CACNA2D1: variants seen among roughly 807,000 people sequenced by gnomAD.
CACNA2D1 encodes voltage-dependent calcium channel subunit alpha-2/delta-1.
In CACNA2D1, 53 loss-of-function variants were observed where a neutral mutation model predicts 171.5. The ratio of observed to expected loss-of-function variants is 0.31; its 90% confidence interval spans 0.25 to 0.39. The LOEUF is 0.39. CACNA2D1 is among the 10% of genes least tolerant of loss of function. The pLI is 1.00. For missense variants in CACNA2D1, 903 were observed against 1,299.8 expected (o/e 0.69, Z 4.69); for synonymous variants, 442 against 443.1 (o/e 1.00, Z 0.03).
intron 8 of CACNA2D1, 51 bp downstream of exon 8, chr7:82,066,404 A>G (rs866657118): frequency 3.1e-6 from 5 of 1,603,198 alleles, no homozygotes; most frequent in Middle Eastern, 1.7e-4. Context: ...TTTAGCAAAT[A>G]TATATCTTCT....
intron 3 of CACNA2D1, among the ~76,000 whole-genome samples, chr7:82,245,857 T>C (rs1283057207): frequency 6.6e-6 from 1 of 152,188 alleles, no homozygotes; most frequent in Non-Finnish European, 1.5e-5. Context: ...TATTGATTTA[T>C]ATTTAAACAT....
At chr7:82,407,003 C>T (rs1475213882) in intron 1 of CACNA2D1, among the ~76,000 whole-genome samples, 1 of 152,110 alleles carries the variant, frequency 6.6e-6, no homozygotes, top group Non-Finnish European at 1.5e-5. Context: ...CAATTAATTA[C>T]CCTACTTACT....
At chr7:81,966,102 T>C (rs1176209164) in intron 31 of CACNA2D1, among the ~76,000 whole-genome samples, 1 of 151,772 alleles carries the variant, frequency 6.6e-6, no homozygotes, top group African/African-American at 2.4e-5. Context: ...ACATCAGTAC[T>C]ATAAGACTAT....
chr7:81,956,432 A>G (rs1381667197), intron 38 of CACNA2D1, among the ~76,000 whole-genome samples: 1 of 152,182 alleles, frequency 6.6e-6, no homozygotes, highest in Non-Finnish European at 1.5e-5. Flanking sequence ...AATAAGGACA[A>G]TTATAGAAAT....
intron 3 of CACNA2D1, among the ~76,000 whole-genome samples, chr7:82,273,957 T>G (rs1808977085): frequency 6.6e-6 from 1 of 152,212 alleles, no homozygotes; most frequent in Non-Finnish European, 1.5e-5. Flanking sequence ...ATTTTTCTAC[T>G]GAAGAAAATA....
Position 81,968,934 on chromosome 7 carries a change from CT to C in CACNA2D1, c.2347del (p.Ser783AlafsTer4). ...TTGAATATATATTTCTACAGCTTTG[CT>C]TACCATAATGCCCGATTCATAGGCA... Reference protein sequence around the residue: ...PGAYESGIMVSKAVEIYIQGK... With the variant: ...PGAYESGIMVXKAVEIYIQGK... On this transcript the variant is annotated frameshift_variant, in exon 29 of 39. Transcript: ENST00000356860. LOFTEE classifies it high-confidence loss of function. 6.3e-7 allele frequency: 1 copy of C among 1,595,660 alleles called. No individual in the cohort carries two copies. The highest frequency in any genetic ancestry group is 8.6e-7 in the Non-Finnish European group (1 of 1,165,398).
chr7:82,425,144 G>C (rs564089615), intron 1 of CACNA2D1, among the ~76,000 whole-genome samples: 1 of 152,154 alleles, frequency 6.6e-6, no homozygotes, highest in Non-Finnish European at 1.5e-5. Context: ...AATCAAAAAA[G>C]GGAGTATAAT....
At chr7:82,423,838 G>A (rs1828936677) in intron 1 of CACNA2D1, among the ~76,000 whole-genome samples, 1 of 152,090 alleles carries the variant, frequency 6.6e-6, no homozygotes, top group Non-Finnish European at 1.5e-5. Context: ...GCTACTCTGA[G>A]GCTGCTAATC....
At chr7:82,012,115 T>A in intron 15 of CACNA2D1, 39 bp downstream of exon 15, 1 of 1,153,180 alleles carries the variant, frequency 8.7e-7, no homozygotes. Context: ...TGTGTGCTTT[T>A]GTTATGACAG....
intron 3 of CACNA2D1, among the ~76,000 whole-genome samples, chr7:82,244,269 T>C (rs1319183708): frequency 6.6e-6 from 1 of 152,180 alleles, no homozygotes; most frequent in Non-Finnish European, 1.5e-5. Context: ...TAAGTTCAAA[T>C]CCTTTATGAC....
At chr7:81,959,624 T>A in intron 37 of CACNA2D1, 96 bp downstream of exon 37, 1 of 1,321,958 alleles carries the variant, frequency 7.6e-7, no homozygotes. Flanking sequence ...CAGAGCAGTC[T>A]AATAGTTTTC....
chr7:82,301,475 C>A (rs2129425349), intron 3 of CACNA2D1, among the ~76,000 whole-genome samples: 1 of 152,038 alleles, frequency 6.6e-6, no homozygotes, highest in East Asian at 1.9e-4. Flanking sequence ...GATCATTTTT[C>A]TCTTATAAAC....
chr7:82,238,658 T>C (rs1803895300), intron 3 of CACNA2D1, among the ~76,000 whole-genome samples: 3 of 152,106 alleles, frequency 2.0e-5, no homozygotes, highest in Admixed American at 2.0e-4. Flanking sequence ...CAGTAGTAAC[T>C]GATCTATTTG....
At chr7:81,979,276 G>C (rs1166255437) in intron 24 of CACNA2D1, among the ~76,000 whole-genome samples, 1 of 151,590 alleles carries the variant, frequency 6.6e-6, no homozygotes, top group Non-Finnish European at 1.5e-5. Flanking sequence ...GTACATATAT[G>C]TAAATATATT....
At chr7:82,125,390 T>C (rs1456205415) in intron 5 of CACNA2D1, among the ~76,000 whole-genome samples, 2 of 152,208 alleles carry the variant, frequency 1.3e-5, no homozygotes, top group Non-Finnish European at 1.5e-5. Context: ...TGAAGTCTTC[T>C]GAGGAATTTG....
chr7:82,124,319 C>T (rs888584318), intron 5 of CACNA2D1, among the ~76,000 whole-genome samples: 9 of 152,180 alleles, frequency 5.9e-5, no homozygotes, highest in Middle Eastern at 3.4e-3. Context: ...TTTGCAAAAC[C>T]CTCCACCCTC....
chr7:82,427,596 T>C (rs779022957), intron 1 of CACNA2D1, among the ~76,000 whole-genome samples: 2 of 152,182 alleles, frequency 1.3e-5, no homozygotes, highest in Admixed American at 6.5e-5. Context: ...TGCAGTGTTT[T>C]ACATGAATAT....
intron 3 of CACNA2D1, among the ~76,000 whole-genome samples, chr7:82,256,173 C>A (rs958884097): frequency 6.6e-6 from 1 of 151,890 alleles, no homozygotes; most frequent in Non-Finnish European, 1.5e-5. Context: ...CCGGGCATGG[C>A]GGTGGGGCGT....
chr7:82,232,618 C>A (rs1803067224), intron 3 of CACNA2D1, among the ~76,000 whole-genome samples: 1 of 151,906 alleles, frequency 6.6e-6, no homozygotes, highest in African/African-American at 2.4e-5. Flanking sequence ...GTAATCCAAG[C>A]ACTTTGGGAG....
Sources: allele counts gnomAD v4.1 joint callset (sites outside exome capture counted in the v4.1 genomes callset), GRCh38; gene constraint gnomAD v4.1.1; transcripts MANE v1.5; gene names NCBI Gene and HGNC (gene_info 2026-07-23, HGNC 2026-07-21).